The following LIPC variants were observed in gnomAD, a reference collection of about 807,000 sequenced individuals.
LIPC encodes the protein hepatic triacylglycerol lipase.
A neutral mutation model predicts 50.7 loss-of-function variants in LIPC; 44 were observed. That is an observed-to-expected ratio of 0.87 (90% confidence interval 0.68 to 1.11). LIPC has a LOEUF of 1.11. Among genes scored for constraint, LIPC ranks in the 50% most tolerant of loss-of-function variants. The pLI, the probability that LIPC is intolerant of heterozygous loss-of-function variation, is 0.00. For missense variants in LIPC, 697 were observed against 648.2 expected, an observed-to-expected ratio of 1.08 and a Z score of -0.82; for synonymous variants, 271 against 256.4, an observed-to-expected ratio of 1.06 and a Z score of -0.54.
At chr15:58,545,549 A>G (rs1382601347) in intron 4 of LIPC, among the ~76,000 whole-genome samples, 193 bp from the exon 5 acceptor site, 1 of 152,210 alleles carries the variant, frequency 6.6e-6, no homozygotes, top group Non-Finnish European at 1.5e-5. Flanking sequence ...CCTGTGTGTC[A>G]TTGTTAGCAC....
chr15:58,463,428 C>T (rs559443642), intron 1 of LIPC, among the ~76,000 whole-genome samples: 1 of 152,270 alleles, frequency 6.6e-6, no homozygotes, highest in South Asian at 2.1e-4. Context: ...TTTACTCTCC[C>T]ACTCCTCTCC....
chr15:58,524,312 A>G (rs934299491), intron 1 of LIPC, among the ~76,000 whole-genome samples: 14 of 152,192 alleles, frequency 9.2e-5, no homozygotes, highest in African/African-American at 3.1e-4. Flanking sequence ...CCATTGAGGG[A>G]TATGTCCCCG....
chr15:58,461,793 C>T (rs11631153), intron 1 of LIPC, among the ~76,000 whole-genome samples: 1 of 152,026 alleles, frequency 6.6e-6, no homozygotes, highest in African/African-American at 2.4e-5. Flanking sequence ...CCCCTCCAGA[C>T]CTCTGCCTTT....
intron 1 of LIPC, among the ~76,000 whole-genome samples, chr15:58,477,920 C>T (rs147605776): frequency 5.3e-4 from 80 of 152,210 alleles, no homozygotes; most frequent in African/African-American, 1.9e-3. Flanking sequence ...ACAAGTCCCT[C>T]TATGATCTGA....
At chr15:58,526,351 G>T (rs372679352) in intron 1 of LIPC, among the ~76,000 whole-genome samples, 6 of 152,242 alleles carry the variant, frequency 3.9e-5, no homozygotes, top group South Asian at 2.1e-4. Flanking sequence ...CATTAGCAGA[G>T]AGTGTTAACC....
chr15:58,521,369 G>C (rs552297959), intron 1 of LIPC: 1 of 152,294 alleles, frequency 6.6e-6, no homozygotes, highest in African/African-American at 2.4e-5. Flanking sequence ...CATCCTCAAG[G>C]TCTGAACAGG....
intron 1 of LIPC, among the ~76,000 whole-genome samples, chr15:58,456,858 G>A (rs1480163516): frequency 1.3e-5 from 2 of 152,212 alleles, no homozygotes; most frequent in South Asian, 2.1e-4. Flanking sequence ...ACTTTACCAT[G>A]CGTAGAATGG....
At chr15:58,500,174 T>G (rs953922379) in intron 1 of LIPC, among the ~76,000 whole-genome samples, 3 of 152,042 alleles carry the variant, frequency 2.0e-5, no homozygotes, top group African/African-American at 7.2e-5. Context: ...GAGCATGGGT[T>G]TGGGTATGTC....
chr15:58,567,315 GTA>G (rs1294220212), intron 8 of LIPC, among the ~76,000 whole-genome samples: 529 of 31,724 alleles, frequency 0.017, 7 homozygotes, highest in African/African-American at 0.053. Context: ...ACATATATAT[GTA>G]TATGTGTATA....
chr15:58,456,619 T>C (rs1419003892), intron 1 of LIPC, among the ~76,000 whole-genome samples: 1 of 152,218 alleles, frequency 6.6e-6, no homozygotes. Context: ...GGGTAGCCAA[T>C]GCTAAGGCCT....
At chr15:58,555,960 C>CA (rs1302214769) in intron 6 of LIPC, among the ~76,000 whole-genome samples, 1 of 152,188 alleles carries the variant, frequency 6.6e-6, no homozygotes, top group Non-Finnish European at 1.5e-5. Flanking sequence ...AACCAATCGA[C>CA]AAGGGAGCCC....
At chr15:58,456,519 A>T (rs1595864015) in intron 1 of LIPC, among the ~76,000 whole-genome samples, 1 of 152,244 alleles carries the variant, frequency 6.6e-6, no homozygotes, top group South Asian at 2.1e-4. Context: ...ATCTCCCCTG[A>T]TGCAGCCCAG....
intron 1 of LIPC, among the ~76,000 whole-genome samples, chr15:58,475,438 T>G (rs1345010073): frequency 1.3e-5 from 2 of 152,202 alleles, no homozygotes; most frequent in Non-Finnish European, 2.9e-5. Flanking sequence ...TGCAGTGTCC[T>G]GAATATACCT....
At chr15:58,537,415 C>T (rs1215177599) in intron 1 of LIPC, among the ~76,000 whole-genome samples, 24 of 152,178 alleles carry the variant, frequency 1.6e-4, no homozygotes, top group Non-Finnish European at 1.5e-5. Flanking sequence ...AACAATCTTC[C>T]TCTCCTTTTC....
chr15:58,551,326 GCTGCTCATGGGATA>G (rs1382801697), intron 6 of LIPC, among the ~76,000 whole-genome samples: 1 of 152,190 alleles, frequency 6.6e-6, no homozygotes, highest in Non-Finnish European at 1.5e-5. Flanking sequence ...GTTTGAAGCA[GCTGCTCATGGGATA>G]CTGCTATCTA....
rs141003241 is a variant in LIPC, at chr15:58,457,348, G to A, written c.88+25228G>A. Among the ~76,000 whole-genome samples the A allele has an allele frequency of 7.0e-3, 1,071 of 152,308 alleles. 14 individuals carry two copies. The highest frequency in any genetic ancestry group is 0.024 in the African/African-American group (1,010 of 41,564). Reference sequence around the variant, plus strand: ...TGGTCTCAAACTCCCGACCTCAGGTGATCTGCCCGCTTCAGCCTCCCAAAG... The same window carrying A: ...TGGTCTCAAACTCCCGACCTCAGGTAATCTGCCCGCTTCAGCCTCCCAAAG... On this transcript the variant is annotated intron_variant, in intron 1 of 8. Transcript: ENST00000299022.
intron 1 of LIPC, among the ~76,000 whole-genome samples, chr15:58,496,465 C>A (rs1891767625): frequency 6.6e-6 from 1 of 151,826 alleles, no homozygotes; most frequent in African/African-American, 2.4e-5. Context: ...AATAAAAGCT[C>A]ATTGAACAAG....
intron 1 of LIPC, chr15:58,473,779 A>T (rs1158669181): frequency 2.0e-5 from 3 of 152,386 alleles, no homozygotes; most frequent in Non-Finnish European, 4.4e-5. Context: ...GGAGAAAGAC[A>T]TGGCTCCATC....
intron 8 of LIPC, among the ~76,000 whole-genome samples, chr15:58,566,903 A>G (rs1894381076): frequency 1.3e-5 from 2 of 152,156 alleles, no homozygotes; most frequent in Non-Finnish European, 2.9e-5. Context: ...ATTCTCATAC[A>G]CTATTAGTGA....
Sources: gnomAD v4.1 joint callset for allele counts (sites outside exome capture counted in the v4.1 genomes callset) on GRCh38, gnomAD v4.1.1 for gene constraint, MANE v1.5 for transcripts, NCBI Gene and HGNC (gene_info 2026-07-23, HGNC 2026-07-21) for gene names.